FERMT3: variants seen among roughly 807,000 people sequenced by gnomAD.
The protein encoded by FERMT3 is fermitin family homolog 3.
FERMT3 carries 33 observed loss-of-function variants against 80.8 expected under a neutral mutation model. The ratio of observed to expected loss-of-function variants is 0.41; its 90% CI spans 0.31 to 0.55. FERMT3 has a LOEUF of 0.55. Among genes scored for constraint, FERMT3 ranks in the 20% least tolerant of loss-of-function variants. The pLI is 0.31. For synonymous variants in FERMT3, 375 were observed against 372.2 expected (o/e 1.01, Z -0.09); for missense variants, 754 against 908.7 (o/e 0.83, Z 2.19).
rs754156672 is a variant in FERMT3, at chr11:64,211,495, A to AC, written c.683+57dup. On this transcript the variant is annotated intron_variant, in intron 5 of 14. Transcript: ENST00000345728. This position sits in a 1 kb window ranked among gnomAD's most constrained non-coding sequence, Gnocchi z 4.7. ...GTCAGGGCTCCCCCACCCAGGATCC[A>AC]CCCCCTGTCCCGTGTCTGTGCCCAC... The AC allele has an allele frequency of 4.2e-4, 640 of 1,511,322 alleles. No individual in the cohort carries two copies. Among genetic ancestry groups the AC allele is most frequent in the Middle Eastern group, 2.5e-3 (11 of 4,350 alleles). The allele number at this position is 1,511,322 out of a possible 1,614,324, so 93.6% of individuals were successfully genotyped here. A position where few individuals can be genotyped will look rare whatever the true frequency, so the allele number is the denominator to read the frequency against.
chr11:64,220,883 A>T, intron 12 of FERMT3, 133 bp from the exon 13 acceptor site: 1 of 1,513,062 alleles, frequency 6.6e-7, no homozygotes, highest in Non-Finnish European at 9.0e-7. Flanking sequence ...GCAGATCTGC[A>T]CCTTGGCGGC....
At chr11:64,208,411 C>T (rs1395403509) in intron 2 of FERMT3, among the ~76,000 whole-genome samples, 1 of 152,154 alleles carries the variant, frequency 6.6e-6, no homozygotes, top group Non-Finnish European at 1.5e-5. Flanking sequence ...AACCTGGAGT[C>T]AGACAGACCC....
chr11:64,219,969 C>G lies in FERMT3; in HGVS notation c.1158C>G (p.Ser386Arg), dbSNP rs75295961. 1.5e-4 allele frequency: 244 copies of G among 1,613,850 alleles called. 3 individuals are homozygous for G. The African/African-American group carries it at 2.9e-3, about 19-fold the overall frequency. Residue 386 changes from serine (S) to arginine (R), a missense_variant, in exon 10 of 15, where the codon AGC becomes AGG. Coordinates refer to ENST00000345728, the MANE Select transcript of FERMT3 (RefSeq NM_031471.6). This position sits in a 1 kb window ranked among gnomAD's most constrained non-coding sequence, Gnocchi z 4.0. ...FKETTLSYYK[S>R]QDEAPGDPIQ... ...AGACCACACTGTCCTACTACAAGAG[C>G]CAGGACGAGGCCCCTGGGGACCCCA...
chr11:64,218,426 C>T (rs1946599918), intron 6 of FERMT3, among the ~76,000 whole-genome samples: 2 of 152,200 alleles, frequency 1.3e-5, no homozygotes, highest in African/African-American at 4.8e-5. Context: ...ACCTCAGCAT[C>T]CTGAGTACCT....
rs1048973769 is a variant in FERMT3 at position 64,223,662 on chromosome 11, G to C, written c.*170G>C. 9.0e-6 allele frequency: 8 copies of C among 886,160 alleles called. No homozygotes were observed. The highest frequency in any genetic ancestry group is 3.5e-6 in the Non-Finnish European group (2 of 573,370). The allele number at this position is 886,160 out of a possible 1,614,324, so 54.9% of individuals were successfully genotyped here. A position where few individuals can be genotyped will look rare whatever the true frequency, so the allele number is the denominator to read the frequency against. ...CAAGGACCTGGCAGGGCCAGACGCT[G>C]TACCATCACCCAGGCCAGGGATGGG... On this transcript the variant is annotated 3_prime_UTR_variant, in exon 15 of 15. Transcript: ENST00000345728.
chr11:64,221,036 A>G lies in FERMT3; in HGVS notation c.1566A>G (p.Glu522=), dbSNP rs751972426. 1.9e-6 allele frequency: 3 copies of G among 1,612,834 alleles called. No individual in the cohort carries two copies. The highest frequency in any genetic ancestry group is 1.7e-6 in the Non-Finnish European group (2 of 1,179,990). The change falls in exon 13 of 15, where the codon GAA becomes GAG. Residue 522 remains glutamate (E), a synonymous_variant. Transcript: ENST00000345728. Reference sequence around the variant, plus strand: ...CGCAGCTCACCCCACGGATCCTGGAAGCCCACCAGAATGTGGCCCAGTTGT... The same window carrying G: ...CGCAGCTCACCCCACGGATCCTGGAGGCCCACCAGAATGTGGCCCAGTTGT... ...KAKQLTPRIL[E]AHQNVAQLSL...
chr11:64,220,348 G>A (rs779472064), intron 11 of FERMT3, 22 bp downstream of exon 11: 2 of 1,611,482 alleles, frequency 1.2e-6, no homozygotes, highest in Admixed American at 1.7e-5. Context: ...CTGGGCAGGG[G>A]CCAGGGCCGG....
intron 6 of FERMT3, among the ~76,000 whole-genome samples, chr11:64,213,694 A>G (rs955172207): frequency 4.0e-5 from 6 of 149,518 alleles, no homozygotes; most frequent in African/African-American, 1.5e-4. Context: ...AGTAGCTGGG[A>G]TTACAGGCGT....
Position 64,223,614 on chromosome 11 carries a change from G to A in FERMT3, c.*122G>A. ...AGGCACCCAGCTGGGCATTTCACCT[G>A]CTGTCACTGACTTTGTGCAGGCCAA... On this transcript the variant is annotated 3_prime_UTR_variant, in exon 15 of 15. Coordinates refer to ENST00000345728, the MANE Select transcript of FERMT3 (RefSeq NM_031471.6). 1 of 1,212,288 alleles carries A rather than the reference G, an allele frequency of 8.2e-7. No homozygotes were observed. The highest frequency in any genetic ancestry group is 1.2e-6 in the Non-Finnish European group (1 of 855,530). The allele number at this position is 1,212,288 out of a possible 1,614,324, so 75.1% of individuals were successfully genotyped here.
In FERMT3 at chr11:64,211,889, C is replaced by T. The variant is rs190019075; in HGVS notation, c.786+142C>T. The T allele has an allele frequency of 1.6e-4, 127 of 807,082 alleles. 1 individual carries two copies. The East Asian group carries it at 1.9e-3, about 12-fold the overall frequency. The allele number at this position is 807,082 out of a possible 1,614,324, so 50.0% of individuals were successfully genotyped here. A position where few individuals can be genotyped will look rare whatever the true frequency, so the allele number is the denominator to read the frequency against. On this transcript the variant is annotated intron_variant, in intron 6 of 14. Transcript: ENST00000345728. The surrounding 1 kb of genome is among the most constrained non-coding windows in gnomAD (Gnocchi z 4.7). Reference sequence around the variant, plus strand: ...GTCCATCCACACCTTTGTTTACTGACCCCACAAACACCCACTGAAACTCAT... The same window carrying T: ...GTCCATCCACACCTTTGTTTACTGATCCCACAAACACCCACTGAAACTCAT...
Position 64,219,957 on chromosome 11 carries a change from C to G in FERMT3, c.1146C>G (p.Ser382=). The change falls in exon 10 of 15, where the codon TCC becomes TCG. Residue 382 remains serine (S), a synonymous_variant. Transcript: ENST00000345728. The surrounding 1 kb of genome is among the most constrained non-coding windows in gnomAD (Gnocchi z 4.0). ...TGGTGTTCAAGGAGACCACACTGTC[C>G]TACTACAAGAGCCAGGACGAGGCCC... The part of the protein sequence containing the change: ...HWVVFKETTL[S]YYKSQDEAPG... The G allele has an allele frequency of 6.2e-7, 1 of 1,613,874 alleles. No homozygotes were observed. The highest frequency in any genetic ancestry group is 8.5e-7 in the Non-Finnish European group (1 of 1,180,002).
chr11:64,216,776 A>G (rs958264341), intron 6 of FERMT3, among the ~76,000 whole-genome samples: 1 of 142,746 alleles, frequency 7.0e-6, no homozygotes, highest in Non-Finnish European at 1.5e-5. Context: ...AGCCTGGGTG[A>G]CAGAGCGAGA....
In FERMT3 at chr11:64,211,170, G is replaced by C. The variant is rs769761137; in HGVS notation, c.513G>C (p.Gly171=). ...ACTTGAGCAAGGTTGTCTTGGCTGGGGGTGAGTGCAAGTGGGGGTGGGCCT... is the reference window on the plus strand; with the variant it reads ...ACTTGAGCAAGGTTGTCTTGGCTGGCGGTGAGTGCAAGTGGGGGTGGGCCT... The part of the protein sequence containing the change: ...LYDLSKVVLA[G]GVAPALFRGM... Residue 171 remains glycine, a splice_region_variant and synonymous_variant, in exon 4 of 15, where the codon GGG becomes GGC. Transcript: ENST00000345728. This position sits in a 1 kb window ranked among gnomAD's most constrained non-coding sequence, Gnocchi z 4.7. 1.3e-6 allele frequency: 2 copies of C among 1,551,646 alleles called. No individual in the cohort carries two copies. Among genetic ancestry groups the C allele is most frequent in the South Asian group, 1.2e-5 (1 of 84,188 alleles).
At chr11:64,220,935 C>A in intron 12 of FERMT3, 81 bp from the exon 13 acceptor site, 1 of 1,576,940 alleles carries the variant, frequency 6.3e-7, no homozygotes, top group Non-Finnish European at 8.6e-7. Flanking sequence ...CATGCTGTCA[C>A]CCTGATGGGG....
chr11:64,211,771 G>T lies in FERMT3; in HGVS notation c.786+24G>T, dbSNP rs374547305. On this transcript the variant is annotated intron_variant, in intron 6 of 14. Coordinates refer to ENST00000345728, the MANE Select transcript of FERMT3 (RefSeq NM_031471.6). This position sits in a 1 kb window ranked among gnomAD's most constrained non-coding sequence, Gnocchi z 4.7. Reference sequence around the variant, plus strand: ...AGGTGGGTCGGGGCAGGGAGAAAGCGGGCCTCAGGTCCATGAGATGTGGAG... The same window carrying T: ...AGGTGGGTCGGGGCAGGGAGAAAGCTGGCCTCAGGTCCATGAGATGTGGAG... 1 of 1,610,792 alleles carries T rather than the reference G, an allele frequency of 6.2e-7. No individual in the cohort carries two copies. Among genetic ancestry groups the T allele is most frequent in the Non-Finnish European group, 8.5e-7 (1 of 1,177,060 alleles).
At position 64,223,419 on chromosome 11, in the gene FERMT3, G is replaced by A. The variant is rs371563698; in HGVS notation, c.1919G>A (p.Arg640Gln). The A allele has an allele frequency of 8.1e-6, 13 of 1,613,440 alleles. No individual in the cohort carries two copies. Among genetic ancestry groups the A allele is most frequent in the South Asian group, 3.3e-5 (3 of 91,094 alleles). The part of the protein sequence containing the change: ...YIGGYIFLST[R>Q]ERARGEELDE... ...GGGGGCTACATTTTCCTGTCGACGC[G>A]GGAGCGGGCCCGTGGGGAGGAGCTG... Residue 640 changes from arginine to glutamine, a missense_variant, in exon 15 of 15, where the codon CGG becomes CAG. By Grantham distance (43) the Arg-to-Gln change is conservative. Coordinates refer to ENST00000345728, the MANE Select transcript of FERMT3 (RefSeq NM_031471.6).
rs1946751967 is a variant in FERMT3 at position 64,223,081 on chromosome 11, C to T, written c.1704C>T (p.Gly568=). 1 of 1,613,820 alleles carries T rather than the reference C, an allele frequency of 6.2e-7. No individual in the cohort carries two copies. The highest frequency in any genetic ancestry group is 8.5e-7 in the Non-Finnish European group (1 of 1,180,044). The change falls in exon 14 of 15, where the codon GGC becomes GGT. Residue 568 remains glycine, a synonymous_variant. Transcript: ENST00000345728. ...FKGSRKDEIL[G]IANNRLIRID... is the part of the protein sequence containing the mutation. ...GCAGCAGGAAAGACGAGATCCTGGG[C>T]ATCGCCAACAACCGACTGATCCGCA...
At chr11:64,206,036 T>C (rs553211250), upstream of FERMT3, among the ~76,000 whole-genome samples, 14 of 152,246 alleles carry the variant, frequency 9.2e-5, no homozygotes, top group South Asian at 2.9e-3. Context: ...AGGTGTCACC[T>C]AAGCAGGGAC....
In FERMT3 at chr11:64,211,739, G is replaced by A; in HGVS notation, c.778G>A (p.Asp260Asn). ...CAAGTACTACAGCTTCTTCGATTTG[G>A]ATCCCAAGGTGGGTCGGGGCAGGGA... ...RFKYYSFFDLDPKTDPVRLTQ... is the reference protein window; with the variant it reads ...RFKYYSFFDLNPKTDPVRLTQ... The change falls in exon 6 of 15, where the codon GAT becomes AAT. Residue 260 changes from aspartate (D) to asparagine (N), a missense_variant. Transcript: ENST00000345728. This position sits in a 1 kb window ranked among gnomAD's most constrained non-coding sequence, Gnocchi z 4.7. The A allele has an allele frequency of 6.2e-7, 1 of 1,614,162 alleles. No individual in the cohort carries two copies. Among genetic ancestry groups the A allele is most frequent in the Non-Finnish European group, 8.5e-7 (1 of 1,180,026 alleles).
Sources: allele counts gnomAD v4.1 joint callset (sites outside exome capture counted in the v4.1 genomes callset), GRCh38; gene constraint gnomAD v4.1.1; non-coding constraint Gnocchi (gnomAD v3.1); transcripts MANE v1.5; gene names NCBI Gene and HGNC (gene_info 2026-07-23, HGNC 2026-07-21).